PLA2G7: variants seen among roughly 807,000 people sequenced by gnomAD.
PLA2G7 encodes the protein platelet-activating factor acetylhydrolase.
A neutral mutation model predicts 49.6 loss-of-function variants in PLA2G7; 63 were observed. The observed-to-expected ratio is 1.27, with a 90% CI of 1.04 to 1.57. PLA2G7 has a LOEUF of 1.57. Ranked by LOEUF, PLA2G7 falls within the 40% of genes most tolerant of loss-of-function variation. The pLI is 0.00. For missense variants in PLA2G7, 596 were observed against 521.2 expected (o/e 1.14, Z -1.40); for synonymous variants, 193 against 169.9 (o/e 1.14, Z -1.06).
intron 1 of PLA2G7, among the ~76,000 whole-genome samples, chr6:46,731,408 C>T (rs539799626): frequency 5.3e-5 from 8 of 152,214 alleles, no homozygotes; most frequent in Non-Finnish European, 1.0e-4. Context: ...TGCATGACCA[C>T]AGCCAGGACA....
At position 46,705,194 on chromosome 6, in the gene PLA2G7, A is replaced by G. The variant is rs760442624; in HGVS notation, c.1148T>C (p.Leu383Pro). Residue 383 changes from leucine (L) to proline (P), a missense_variant, in exon 11 of 12, where the codon CTT (leucine) becomes CCT (proline). Physicochemically the swap from Leu to Pro is moderately conservative, Grantham distance 98. Transcript: ENST00000274793. Reference sequence around the variant, plus strand: ...GAATGCTAATGAAGCTTTGTTGCTAAGATCAATAGCTACATTTGAATCTAT... The same window carrying G: ...GAATGCTAATGAAGCTTTGTTGCTAGGATCAATAGCTACATTTGAATCTAT... Reference protein sequence around the residue: ...GDIDSNVAIDLSNKASLAFLQ... With the variant: ...GDIDSNVAIDPSNKASLAFLQ... 10 of 1,609,524 alleles carry G rather than the reference A, an allele frequency of 6.2e-6. No individual in the cohort carries two copies. Among genetic ancestry groups the G allele is most frequent in the Non-Finnish European group, 7.7e-6 (9 of 1,176,048 alleles).
chr6:46,717,813 G>A (rs1339872947), intron 2 of PLA2G7, among the ~76,000 whole-genome samples: 1 of 149,958 alleles, frequency 6.7e-6, no homozygotes, highest in Non-Finnish European at 1.5e-5. Flanking sequence ...CCTGGTTCAA[G>A]TGATTCTCCT....
At position 46,711,501 on chromosome 6, in the gene PLA2G7, C is replaced by T. The variant is rs200979587; in HGVS notation, c.658G>A (p.Glu220Lys). The change falls in exon 7 of 12, where the codon GAG becomes AAG. Residue 220 changes from glutamate to lysine, a missense_variant. By Grantham distance (56) the Glu-to-Lys change is moderately conservative (BLOSUM62 1). Coordinates refer to ENST00000274793, the MANE Select transcript of PLA2G7 (RefSeq NM_005084.4). ...KQEEETHIRN[E>K]QVRQRAKECS... ...CTCCTTTCACTGCAATGTACCTGCT[C>T]ATTTCGTATATGTGTCTCCTCCTCT... 6 of 1,613,652 alleles carry T rather than the reference C, an allele frequency of 3.7e-6. No individual in the cohort carries two copies. Among genetic ancestry groups the T allele is most frequent in the South Asian group, 1.1e-5 (1 of 91,048 alleles).
chr6:46,731,538 T>G (rs964724909), intron 1 of PLA2G7, among the ~76,000 whole-genome samples: 2 of 152,220 alleles, frequency 1.3e-5, no homozygotes, highest in Non-Finnish European at 2.9e-5. Context: ...TAGCAATAAT[T>G]TCCCTGCATT....
intron 6 of PLA2G7, 119 bp downstream of exon 6, chr6:46,712,150 C>T: frequency 1.4e-6 from 1 of 718,962 alleles, no homozygotes; most frequent in Non-Finnish European, 2.5e-6. Context: ...CATGATGTTA[C>T]CATACTTGAA....
intron 4 of PLA2G7, among the ~76,000 whole-genome samples, chr6:46,716,165 G>C (rs1250257422): frequency 6.6e-6 from 1 of 152,222 alleles, no homozygotes; most frequent in African/African-American, 2.4e-5. Context: ...GAGTCAGTCT[G>C]ATACTCTCGG....
intron 1 of PLA2G7, among the ~76,000 whole-genome samples, chr6:46,728,763 C>G (rs1379550873): frequency 3.9e-5 from 6 of 152,198 alleles, no homozygotes; most frequent in Non-Finnish European, 4.4e-5. Flanking sequence ...GTAAGAGTAA[C>G]TGGATCTGTT....
At position 46,708,126 on chromosome 6, in the gene PLA2G7, A is replaced by G. The variant is rs370455958; in HGVS notation, c.905T>C (p.Leu302Pro). The part of the protein sequence containing the change: ...GIALDAWMFP[L>P]GDEVYSRIPQ... ...AATTCTGGAATATACTTCATCACCCAGTGGAAACATCCATGCATCCAGGGC... is the reference window on the plus strand; with the variant it reads ...AATTCTGGAATATACTTCATCACCCGGTGGAAACATCCATGCATCCAGGGC... Residue 302 changes from leucine to proline, a missense_variant, in exon 10 of 12, where the codon CTG (leucine) becomes CCG (proline). Leu to Pro is a moderately conservative substitution (Grantham distance 98, BLOSUM62 -3). Transcript: ENST00000274793. 2.5e-6 allele frequency: 4 copies of G among 1,612,552 alleles called. No homozygotes were observed. Among genetic ancestry groups the G allele is most frequent in the East Asian group, 4.5e-5 (2 of 44,834 alleles).
chr6:46,707,154 T>C (rs1024133420), intron 10 of PLA2G7, among the ~76,000 whole-genome samples: 1 of 152,186 alleles, frequency 6.6e-6, no homozygotes, highest in Non-Finnish European at 1.5e-5. Flanking sequence ...TACCCCATTA[T>C]AGCTTTGGGG....
At position 46,704,551 on chromosome 6, in the gene PLA2G7, ATT is replaced by A. The variant is rs1388874889; in HGVS notation, c.*7_*8del. The A allele has an allele frequency of 6.4e-7, 1 of 1,551,552 alleles. No individual in the cohort carries two copies. Among genetic ancestry groups the A allele is most frequent in the African/African-American group, 1.4e-5 (1 of 73,560 alleles). Reference sequence around the variant, plus strand: ...TTGAAACAAGACTTTTAAAAAACCTATTTTAATCCTAATTGTATTTCTCTATT... The same window carrying A: ...TTGAAACAAGACTTTTAAAAAACCTATTAATCCTAATTGTATTTCTCTATT... On this transcript the variant is annotated 3_prime_UTR_variant, in exon 12 of 12. Coordinates refer to ENST00000274793, the MANE Select transcript of PLA2G7 (RefSeq NM_005084.4).
chr6:46,726,258 T>C (rs1765570645), intron 1 of PLA2G7, among the ~76,000 whole-genome samples: 1 of 152,124 alleles, frequency 6.6e-6, no homozygotes, highest in African/African-American at 2.4e-5. Context: ...GCTTCTGGGG[T>C]CTAAAGCACT....
chr6:46,709,198 C>A, intron 9 of PLA2G7, 129 bp downstream of exon 9: 1 of 651,596 alleles, frequency 1.5e-6, no homozygotes, highest in Admixed American at 2.4e-5. Flanking sequence ...TTTATGGGGG[C>A]AAAAGAATAG....
Position 46,723,020 on chromosome 6 carries a change from T to C in PLA2G7, c.-34-95A>G, listed in dbSNP as rs903275451. Reference sequence around the variant, plus strand: ...AGAAAGGCTGAGGTACTAGTAACACTTGGAAAAAATAAAACATGTATTTTC... The same window carrying C: ...AGAAAGGCTGAGGTACTAGTAACACCTGGAAAAAATAAAACATGTATTTTC... On this transcript the variant is annotated intron_variant, in intron 1 of 11. Transcript: ENST00000274793. 2.0e-5 allele frequency: 14 copies of C among 683,300 alleles called. No individual in the cohort carries two copies. The African/African-American group carries it at 2.3e-4, about 11-fold the overall frequency. The allele number at this position is 683,300 out of a possible 1,614,324, so 42.3% of individuals were successfully genotyped here. A position where few individuals can be genotyped will look rare whatever the true frequency, so the allele number is the denominator to read the frequency against.
At chr6:46,733,450 T>C (rs977247993) in intron 1 of PLA2G7, among the ~76,000 whole-genome samples, 24 of 105,972 alleles carry the variant, frequency 2.3e-4, no homozygotes. Context: ...TCTTGCTGGC[T>C]GTACAGTAGG....
At chr6:46,732,162 C>T (rs1765754029) in intron 1 of PLA2G7, among the ~76,000 whole-genome samples, 1 of 152,200 alleles carries the variant, frequency 6.6e-6, no homozygotes, top group Non-Finnish European at 1.5e-5. Flanking sequence ...TTCTCCCTCA[C>T]CTAACTCCAG....
chr6:46,705,381 T>TGG, intron 10 of PLA2G7, 80 bp from the exon 11 acceptor site: 2 of 1,086,288 alleles, frequency 1.8e-6, no homozygotes, highest in Non-Finnish European at 2.8e-6. Context: ...AGAAAGGTAC[T>TGG]GGTCTTGTTG....
chr6:46,733,794 T>C (rs1483603777), intron 1 of PLA2G7, among the ~76,000 whole-genome samples: 1 of 152,192 alleles, frequency 6.6e-6, no homozygotes, highest in Non-Finnish European at 1.5e-5. Flanking sequence ...CTGAATTCAA[T>C]GTAAGCTCAA....
At chr6:46,729,728 G>A (rs1027904186) in intron 1 of PLA2G7, among the ~76,000 whole-genome samples, 1 of 152,112 alleles carries the variant, frequency 6.6e-6, no homozygotes, top group Non-Finnish European at 1.5e-5. Flanking sequence ...CCTGTGCATT[G>A]CAGGGTGTTT....
chr6:46,720,498 G>A (rs928571477), intron 2 of PLA2G7, among the ~76,000 whole-genome samples: 2 of 152,180 alleles, frequency 1.3e-5, no homozygotes, highest in African/African-American at 4.8e-5. Context: ...ATAGGTCTAT[G>A]GGGTCCTATG....
Sources: allele counts gnomAD v4.1 joint callset (sites outside exome capture counted in the v4.1 genomes callset), GRCh38; gene constraint gnomAD v4.1.1; transcripts MANE v1.5; gene names NCBI Gene and HGNC (gene_info 2026-07-23, HGNC 2026-07-21).